The following CELSR2 variants were observed in gnomAD, a reference collection of about 807,000 sequenced individuals.
The protein encoded by CELSR2 is cadherin EGF LAG seven-pass G-type receptor 2, also known as EGF-like protein 2.
In CELSR2, 81 loss-of-function variants were observed where a neutral mutation model predicts 251.6. The ratio of observed to expected loss-of-function variants is 0.32; its 90% CI spans 0.27 to 0.39. The LOEUF (loss-of-function observed/expected upper bound fraction) is 0.39. Ranked by LOEUF, CELSR2 falls within the 10% of genes least tolerant of loss-of-function variation. CELSR2 has a pLI of 1.00. For missense variants in CELSR2, 3,365 were observed against 3,947.7 expected (o/e 0.85, Z 3.96); for synonymous variants, 1,721 against 1,670.5 (o/e 1.03, Z -0.74).
At chr1:109,268,550 A>C in intron 17 of CELSR2, 31 bp from the exon 18 acceptor site, 1 of 1,576,864 alleles carries the variant, frequency 6.3e-7, no homozygotes, top group Non-Finnish European at 8.6e-7. Flanking sequence ...GTGGGTTGTG[A>C]GCACACCCAC....
Position 109,264,156 on chromosome 1 carries a change from G to C in CELSR2, c.5080G>C (p.Ala1694Pro). 6.2e-7 allele frequency: 1 copy of C among 1,610,352 alleles called. No homozygotes were observed. Among genetic ancestry groups the C allele is most frequent in the Non-Finnish European group, 8.5e-7 (1 of 1,177,602 alleles). Residue 1694 changes from alanine (A) to proline (P), a missense_variant, in exon 10 of 34, where the codon GCC (alanine) becomes CCC (proline). Around this residue, in one of 5 missense-constraint regions of CELSR2, gnomAD observed 2,093 missense variants for 2,382.8 expected, o/e 0.88. Transcript: ENST00000271332. The part of the protein sequence containing the change: ...ASSLRLEPGR[A>P]NDGDWHHAQL... ...CTCTCTCCGTCTGGAGCCAGGCCGG[G>C]CCAATGACGGTGACTGGCACCATGC...
rs1656341058 is a variant in CELSR2, at chr1:109,270,553, T to G, written c.7436T>G (p.Met2479Arg). Residue 2479 changes from methionine to arginine, a missense_variant, in exon 24 of 34, where the codon ATG becomes AGG. Physicochemically the swap from Met to Arg is moderately conservative, Grantham distance 91. This residue lies in a region of CELSR2 where 2,093 missense variants were observed against 2,382.8 expected (regional missense o/e 0.88). Transcript: ENST00000271332. ...TEVRDVNTGP[M>R]RFYYMLGWGV... ...GTGCGCGATGTCAACACCGGCCCCA[T>G]GCGCTTCTACTACATGCTGGGCTGG... The G allele has an allele frequency of 1.9e-6, 3 of 1,614,056 alleles. No individual in the cohort carries two copies.
In CELSR2 at chr1:109,275,608, A is replaced by G. The variant is rs956821741; in HGVS notation, c.*1559A>G. The G allele has an allele frequency of 1.3e-5, 2 of 152,136 alleles. No individual in the cohort carries two copies. Among genetic ancestry groups the G allele is most frequent in the Non-Finnish European group, 1.5e-5 (1 of 68,032 alleles). The allele number at this position is 152,136 out of a possible 1,614,324, so 9.4% of individuals were successfully genotyped here. A position where few individuals can be genotyped will look rare whatever the true frequency, so the allele number is the denominator to read the frequency against. Reference sequence around the variant, plus strand: ...GTTTTTACTACTGATGACTTGATTTAAAAAAAATACAAAGATGCTGGATGC... The same window carrying G: ...GTTTTTACTACTGATGACTTGATTTGAAAAAAATACAAAGATGCTGGATGC... On this transcript the variant is annotated 3_prime_UTR_variant, in exon 34 of 34. Coordinates refer to ENST00000271332, the MANE Select transcript of CELSR2 (RefSeq NM_001408.3).
Position 109,258,817 on chromosome 1 carries a change from C to G in CELSR2, c.3696C>G (p.Cys1232Trp). The G allele has an allele frequency of 6.2e-7, 1 of 1,612,078 alleles. No individual in the cohort carries two copies. The highest frequency in any genetic ancestry group is 8.5e-7 in the Non-Finnish European group (1 of 1,179,196). Residue 1232 changes from cysteine to tryptophan, a missense_variant, in exon 2 of 34, where the codon TGC becomes TGG. Cys to Trp is a radical substitution (Grantham distance 215). Coordinates refer to ENST00000271332, the MANE Select transcript of CELSR2 (RefSeq NM_001408.3). Reference protein sequence around the residue: ...QRVLPFDDNICLREPCENYMR... With the variant: ...QRVLPFDDNIWLREPCENYMR... ...TGCTGCCCTTCGACGACAACATCTG[C>G]CTGCGGGAGCCCTGCGAGAACTACA...
chr1:109,259,156 C>T (rs765944139), intron 2 of CELSR2, 77 bp downstream of exon 2: 3 of 1,267,104 alleles, frequency 2.4e-6, no homozygotes, highest in Non-Finnish European at 3.2e-6. Flanking sequence ...AGGACAAATG[C>T]TGGCGGCTGC....
rs1655684867 is a variant in CELSR2, at chr1:109,251,432, C to T, written c.1353C>T (p.Ala451=). The stretch of plus-strand genomic sequence containing the variant: ...CTCGGGGACAGTTTTATCTGGATGC[C>T]CAGACTGGAGCTCTGGATGTGGTGA... ...GNARGQFYLD[A]QTGALDVVSP... The change falls in exon 1 of 34, where the codon GCC becomes GCT. Residue 451 remains alanine, a synonymous_variant. Transcript: ENST00000271332. The surrounding 1 kb of genome is among the most constrained non-coding windows in gnomAD (Gnocchi z 4.9). 1 of 1,613,808 alleles carries T rather than the reference C, an allele frequency of 6.2e-7. No homozygotes were observed. Among genetic ancestry groups the T allele is most frequent in the Non-Finnish European group, 8.5e-7 (1 of 1,180,008 alleles).
rs769301770 is a variant in CELSR2 at position 109,271,247 on chromosome 1, C to T, written c.7627C>T (p.Arg2543Trp). The change falls in exon 26 of 34, where the codon CGG becomes TGG. Residue 2543 changes from arginine (R) to tryptophan (W), a missense_variant. Arg to Trp is a moderately radical substitution (Grantham distance 101). This residue lies in a region of CELSR2 where 2,093 missense variants were observed against 2,382.8 expected (regional missense o/e 0.88). Transcript: ENST00000271332. Reference protein sequence around the residue: ...MSVFLYILAARASCAAQRQGF... With the variant: ...MSVFLYILAAWASCAAQRQGF... ...TGTCTTCCTGTACATCCTGGCGGCC[C>T]GGGCCTCCTGTGCTGCCCAGCGGCA... The T allele has an allele frequency of 1.5e-5, 25 of 1,613,876 alleles. No homozygotes were observed. The highest frequency in any genetic ancestry group is 1.2e-4 in the South Asian group (11 of 91,060).
At position 109,250,626 on chromosome 1, in the gene CELSR2, C is replaced by T. The variant is rs375358591; in HGVS notation, c.547C>T (p.Pro183Ser). The T allele has an allele frequency of 7.4e-6, 12 of 1,613,920 alleles. No homozygotes were observed. The South Asian group carries it at 8.8e-5, about 12-fold the overall frequency. Reference sequence around the variant, plus strand: ...TGTAAATACAGCCCCCCAGTTCCAGCCCCCCAGCTACCAGGCCACAGTGCC... The same window carrying T: ...TGTAAATACAGCCCCCCAGTTCCAGTCCCCCAGCTACCAGGCCACAGTGCC... ...RNVNTAPQFQ[P>S]PSYQATVPEN... The change falls in exon 1 of 34, where the codon CCC becomes TCC. Residue 183 changes from proline to serine, a missense_variant. This residue lies in a region of CELSR2 where 704 missense variants were observed against 784.1 expected (regional missense o/e 0.90). Transcript: ENST00000271332. The surrounding 1 kb of genome is among the most constrained non-coding windows in gnomAD (Gnocchi z 4.4).
Position 109,265,315 on chromosome 1 carries a change from A to G in CELSR2, c.5727+4A>G. On this transcript the variant is annotated splice_donor_region_variant and intron_variant, in intron 13 of 33. Coordinates refer to ENST00000271332, the MANE Select transcript of CELSR2 (RefSeq NM_001408.3). ...AAGCGGCGAGTGCCACTGCAAGGTGACAGCCCCAAGCAAGCCTCCACTGTG... is the reference window on the plus strand; with the variant it reads ...AAGCGGCGAGTGCCACTGCAAGGTGGCAGCCCCAAGCAAGCCTCCACTGTG... 6.3e-7 allele frequency: 1 copy of G among 1,596,788 alleles called. No individual in the cohort carries two copies. The highest frequency in any genetic ancestry group is 8.5e-7 in the Non-Finnish European group (1 of 1,170,892).
Position 109,273,222 on chromosome 1 carries a change from A to G in CELSR2, c.8395A>G (p.Lys2799Glu), listed in dbSNP as rs1656423552. ...PWPGDFGTTAKESSGNGAPEE... is the reference protein window; with the variant it reads ...PWPGDFGTTAEESSGNGAPEE... ...GCCAGGAGACTTTGGGACCACAGCAAAAGAGAGTAGTGGCAACGGGGCCCC... is the reference window on the plus strand; with the variant it reads ...GCCAGGAGACTTTGGGACCACAGCAGAAGAGAGTAGTGGCAACGGGGCCCC... Residue 2799 changes from lysine (K) to glutamate (E), a missense_variant, in exon 32 of 34, where the codon AAA becomes GAA. Physicochemically the swap from Lys to Glu is moderately conservative, Grantham distance 56 (BLOSUM62 1). Around this residue, in one of 5 missense-constraint regions of CELSR2, gnomAD observed 2,093 missense variants for 2,382.8 expected, o/e 0.88. Transcript: ENST00000271332. 2 of 1,613,542 alleles carry G rather than the reference A, an allele frequency of 1.2e-6. No homozygotes were observed. The highest frequency in any genetic ancestry group is 1.3e-5 in the African/African-American group (1 of 74,910).
At chr1:109,263,540 C>T (rs1346714056) in intron 8 of CELSR2, 71 bp from the exon 9 acceptor site, 5 of 1,571,238 alleles carry the variant, frequency 3.2e-6, no homozygotes, top group East Asian at 2.2e-5. Flanking sequence ...CAGCCGCCAC[C>T]GCTGAGCATC....
chr1:109,252,657 G>A lies in CELSR2; in HGVS notation c.2578G>A (p.Gly860Arg), dbSNP rs1655729000. The part of the protein sequence containing the change: ...VFYTFQGGDD[G>R]DGDFIVESTS... The stretch of plus-strand genomic sequence containing the variant: ...CTACACCTTCCAAGGAGGCGACGAT[G>A]GAGACGGTGACTTTATTGTTGAGTC... Residue 860 changes from glycine (G) to arginine (R), a missense_variant, in exon 1 of 34, where the codon GGA (glycine) becomes AGA (arginine). By Grantham distance (125) the Gly-to-Arg change is moderately radical. This residue lies in a region of CELSR2 where 505 missense variants were observed against 660.0 expected (regional missense o/e 0.77). Transcript: ENST00000271332. This position sits in a 1 kb window ranked among gnomAD's most constrained non-coding sequence, Gnocchi z 4.8. 5 of 1,613,938 alleles carry A rather than the reference G, an allele frequency of 3.1e-6. No homozygotes were observed. Among genetic ancestry groups the A allele is most frequent in the Non-Finnish European group, 4.2e-6 (5 of 1,180,042 alleles).
chr1:109,265,802 T>G lies in CELSR2; in HGVS notation c.5795T>G (p.Leu1932Trp). The part of the protein sequence containing the change: ...LLCDCYPTGS[L>W]SRVCDPEDGQ... Reference sequence around the variant, plus strand: ...TGTGACTGCTACCCCACAGGCTCCTTGTCCAGAGTCTGTGACCCTGAGGAT... The same window carrying G: ...TGTGACTGCTACCCCACAGGCTCCTGGTCCAGAGTCTGTGACCCTGAGGAT... Residue 1932 changes from leucine to tryptophan, a missense_variant, in exon 14 of 34, where the codon TTG (leucine) becomes TGG (tryptophan). Physicochemically the swap from Leu to Trp is moderately conservative, Grantham distance 61. Coordinates refer to ENST00000271332, the MANE Select transcript of CELSR2 (RefSeq NM_001408.3). 1.2e-6 allele frequency: 2 copies of G among 1,614,046 alleles called. No individual in the cohort carries two copies. The highest frequency in any genetic ancestry group is 1.1e-5 in the South Asian group (1 of 91,078).
Position 109,263,984 on chromosome 1 carries a change from G to T in CELSR2, c.5002-94G>T. 4.1e-6 allele frequency: 6 copies of T among 1,471,478 alleles called. No homozygotes were observed. The South Asian group carries it at 6.7e-5, about 16-fold the overall frequency. The allele number at this position is 1,471,478 out of a possible 1,614,324, so 91.2% of individuals were successfully genotyped here. The stretch of plus-strand genomic sequence containing the variant: ...TCTCTATGGCCTCAGCTGGGCAGCG[G>T]GATGGGTTTGATGGTCCAGAAAGGG... On this transcript the variant is annotated intron_variant, in intron 9 of 33. Transcript: ENST00000271332.
Position 109,262,274 on chromosome 1 carries a change from T to C in CELSR2, c.4387-13T>C. On this transcript the variant is annotated splice_polypyrimidine_tract_variant and intron_variant, in intron 5 of 33. Transcript: ENST00000271332. ...ACTCAGTGTCCCCCTTCTCTGCTCTTTCCTGTCCACAGCCACTGTTGGGTC... is the reference window on the plus strand; with the variant it reads ...ACTCAGTGTCCCCCTTCTCTGCTCTCTCCTGTCCACAGCCACTGTTGGGTC... The C allele has an allele frequency of 6.2e-7, 1 of 1,613,150 alleles. No homozygotes were observed. Among genetic ancestry groups the C allele is most frequent in the Non-Finnish European group, 8.5e-7 (1 of 1,179,820 alleles).
Position 109,271,733 on chromosome 1 carries a change from C to T in CELSR2, c.7926+11C>T, listed in dbSNP as rs1265303583. 4.3e-6 allele frequency: 7 copies of T among 1,613,088 alleles called. No homozygotes were observed. Among genetic ancestry groups the T allele is most frequent in the Non-Finnish European group, 5.9e-6 (7 of 1,179,712 alleles). On this transcript the variant is annotated intron_variant, in intron 28 of 33. Transcript: ENST00000271332. ...TCCACCCTGACCTCGGTGAGGGAGC[C>T]AGGGGTCTCAGGAGGGCGGTGAAGG...
At position 109,258,504 on chromosome 1, in the gene CELSR2, G is replaced by A; in HGVS notation, c.3383G>A (p.Ser1128Asn). The change falls in exon 2 of 34, where the codon AGC becomes AAC. Residue 1128 changes from serine to asparagine, a missense_variant. By Grantham distance (46) the Ser-to-Asn change is conservative. Coordinates refer to ENST00000271332, the MANE Select transcript of CELSR2 (RefSeq NM_001408.3). ...TIITDEMLTH[S>N]ITLRLEDMSP... ...ATCACCGATGAGATGCTCACCCACA[G>A]CATCACGCTGCGCCTGGAGGACATG... 1 of 1,602,184 alleles carries A rather than the reference G, an allele frequency of 6.2e-7. No individual in the cohort carries two copies. Among genetic ancestry groups the A allele is most frequent in the East Asian group, 2.3e-5 (1 of 44,294 alleles).
Position 109,273,347 on chromosome 1 carries a change from C to T in CELSR2, c.8509+11C>T. ...CCCAGCCTCACAAAGGTGAGTGGGGCACCCCCAGCTGCCGAGCTCCCCTAG... is the reference window on the plus strand; with the variant it reads ...CCCAGCCTCACAAAGGTGAGTGGGGTACCCCCAGCTGCCGAGCTCCCCTAG... On this transcript the variant is annotated intron_variant, in intron 32 of 33. Transcript: ENST00000271332. 1.0e-5 allele frequency: 16 copies of T among 1,600,466 alleles called. No homozygotes were observed. Among genetic ancestry groups the T allele is most frequent in the Non-Finnish European group, 1.4e-5 (16 of 1,173,168 alleles).
chr1:109,261,704 TACTC>T lies in CELSR2; in HGVS notation c.4297+77_4297+80del. 1.9e-6 allele frequency: 3 copies of T among 1,551,950 alleles called. No homozygotes were observed. The highest frequency in any genetic ancestry group is 2.7e-6 in the Non-Finnish European group (3 of 1,127,516). ...TTCCAGCCCCTGACCCCAAGCCACA[TACTC>T]TATCAGCCAAATCTGGGCCCAGCCC... On this transcript the variant is annotated intron_variant, in intron 4 of 33. Coordinates refer to ENST00000271332, the MANE Select transcript of CELSR2 (RefSeq NM_001408.3). The surrounding 1 kb of genome is among the most constrained non-coding windows in gnomAD (Gnocchi z 4.8).
Sources: allele counts gnomAD v4.1 joint callset, GRCh38; gene constraint gnomAD v4.1.1; regional missense constraint gnomAD v4.1.1; non-coding constraint Gnocchi (gnomAD v3.1); transcripts MANE v1.5; gene names NCBI Gene and HGNC (gene_info 2026-07-23, HGNC 2026-07-21).